The following COL15A1 variants were observed in gnomAD, a reference collection of about 807,000 sequenced individuals.
COL15A1 encodes collagen type XV alpha 1 chain, also known as collagen alpha-1(XV) chain.
A neutral mutation model predicts 165.9 loss-of-function variants in COL15A1; 111 were observed. The observed-to-expected ratio is 0.67, with a 90% CI of 0.57 to 0.78. COL15A1 has a LOEUF of 0.78. COL15A1 is among the 30% of genes least tolerant of loss of function. The probability of loss-of-function intolerance (pLI) is 0.00; values close to 1 mark genes in which losing one functional copy is unlikely to be tolerated. For synonymous variants in COL15A1, 659 were observed against 674.8 expected, an observed-to-expected ratio of 0.98 and a Z score of 0.36; for missense variants, 1,745 against 1,789.7, an observed-to-expected ratio of 0.98 and a Z score of 0.45.
At chr9:98,986,186 T>A in intron 3 of COL15A1, 74 bp downstream of exon 3, 1 of 1,089,160 alleles carries the variant, frequency 9.2e-7, no homozygotes, top group Non-Finnish European at 1.3e-6. Context: ...ATGGAGCAAC[T>A]ATTATTGTTA....
At chr9:99,056,438 G>A (rs1564090566) in intron 35 of COL15A1, 34 bp downstream of exon 35, 1 of 1,569,228 alleles carries the variant, frequency 6.4e-7, no homozygotes, top group Non-Finnish European at 8.6e-7. Flanking sequence ...TGTTCATGCT[G>A]TCCCTACCAT....
chr9:99,024,277 G>GTTTTTTT (rs773196929), intron 14 of COL15A1, among the ~76,000 whole-genome samples: 9 of 108,642 alleles, frequency 8.3e-5, no homozygotes, highest in Admixed American at 2.0e-4. Context: ...AGTTTTTTTT[G>GTTTTTTT]TTTTTTTGTT....
intron 2 of COL15A1, among the ~76,000 whole-genome samples, chr9:98,971,371 G>T (rs889321861): frequency 2.0e-5 from 3 of 152,084 alleles, no homozygotes; most frequent in African/African-American, 4.8e-5. Flanking sequence ...CCGGGTGGGG[G>T]TGATGACTCA....
At chr9:98,949,403 G>T (rs535443593) in intron 2 of COL15A1, among the ~76,000 whole-genome samples, 1 of 152,172 alleles carries the variant, frequency 6.6e-6, no homozygotes, top group Non-Finnish European at 1.5e-5. Context: ...CTATACCTAC[G>T]AGTGGAGTGC....
At chr9:98,967,529 A>G (rs1313754689) in intron 2 of COL15A1, among the ~76,000 whole-genome samples, 1 of 152,176 alleles carries the variant, frequency 6.6e-6, no homozygotes, top group Non-Finnish European at 1.5e-5. Flanking sequence ...AGGCCCTAGG[A>G]CATTCCTGTT....
chr9:98,992,863 G>T (rs891466884), intron 5 of COL15A1, among the ~76,000 whole-genome samples: 1 of 152,194 alleles, frequency 6.6e-6, no homozygotes, highest in Non-Finnish European at 1.5e-5. Context: ...AGGCACTGGG[G>T]CAGATGTGGG....
intron 2 of COL15A1, among the ~76,000 whole-genome samples, chr9:98,984,129 C>T (rs1838271878): frequency 6.6e-6 from 1 of 152,238 alleles, no homozygotes; most frequent in African/African-American, 2.4e-5. Context: ...CTCACTCATT[C>T]CAGGCCTCCT....
intron 16 of COL15A1, among the ~76,000 whole-genome samples, chr9:99,027,428 A>G (rs1488588174): frequency 2.0e-5 from 3 of 152,226 alleles, no homozygotes; most frequent in Non-Finnish European, 2.9e-5. Context: ...AAAAAGATAC[A>G]ATTGTCAAGC....
At chr9:99,002,417 C>T (rs916530454) in intron 7 of COL15A1, among the ~76,000 whole-genome samples, 1 of 152,126 alleles carries the variant, frequency 6.6e-6, no homozygotes, top group Non-Finnish European at 1.5e-5. Context: ...GGAGAAGAAC[C>T]GCAGTACACT....
chr9:98,964,957 T>C (rs1837932086), intron 2 of COL15A1, among the ~76,000 whole-genome samples: 1 of 152,204 alleles, frequency 6.6e-6, no homozygotes, highest in Non-Finnish European at 1.5e-5. Context: ...CTGCCCTGGC[T>C]GAATTCACAC....
intron 28 of COL15A1, 122 bp downstream of exon 28, chr9:99,048,122 C>A: frequency 1.4e-6 from 1 of 726,504 alleles, no homozygotes; most frequent in Admixed American, 2.0e-5. Flanking sequence ...CCTTCACTGC[C>A]ACTGCCAAAG....
intron 11 of COL15A1, among the ~76,000 whole-genome samples, chr9:99,019,933 G>A (rs537891463): frequency 1.3e-5 from 2 of 152,284 alleles, no homozygotes; most frequent in African/African-American, 2.4e-5. Flanking sequence ...TTTCTGCACT[G>A]TTTACAACCA....
chr9:99,059,134 A>G (rs942057044), intron 35 of COL15A1, among the ~76,000 whole-genome samples: 1 of 152,164 alleles, frequency 6.6e-6, no homozygotes, highest in African/African-American at 2.4e-5. Context: ...CATCCCAGTA[A>G]TATTTTTTTA....
At position 99,035,409 on chromosome 9, in the gene COL15A1, G is replaced by A. The variant is rs758490874; in HGVS notation, c.2280G>A (p.Thr760=). 6.8e-6 allele frequency: 11 copies of A among 1,613,986 alleles called. No homozygotes were observed. The highest frequency in any genetic ancestry group is 2.2e-5 in the South Asian group (2 of 91,086). ...ATGAACCCAAACTCTCCAGACCAAC[G>A]GCTGCAATTGTAGGTCGCCTCTGAA... is the stretch of plus-strand genomic sequence containing the variant. The part of the protein sequence containing the change: ...LLNEPKLSRP[T]AAIGLKGEKG... The change falls in exon 19 of 42, where the codon ACG becomes ACA. Residue 760 remains threonine (T), a synonymous_variant. Coordinates refer to ENST00000375001, the MANE Select transcript of COL15A1 (RefSeq NM_001855.5).
intron 2 of COL15A1, among the ~76,000 whole-genome samples, chr9:98,951,432 C>T (rs551788109): frequency 6.6e-6 from 1 of 152,116 alleles, no homozygotes; most frequent in Non-Finnish European, 1.5e-5. Context: ...TGCTCCTGGC[C>T]CCAGAGGACC....
chr9:99,054,666 C>G lies in COL15A1; in HGVS notation c.3031+10C>G. On this transcript the variant is annotated intron_variant, in intron 32 of 41. Transcript: ENST00000375001. Reference sequence around the variant, plus strand: ...GCCCAGGGACCACCAGGTATTCCAGCTCTTGTTCTCAATCTTGCCTTTGAT... The same window carrying G: ...GCCCAGGGACCACCAGGTATTCCAGGTCTTGTTCTCAATCTTGCCTTTGAT... 1 of 1,600,470 alleles carries G rather than the reference C, an allele frequency of 6.2e-7. No homozygotes were observed. The highest frequency in any genetic ancestry group is 8.5e-7 in the Non-Finnish European group (1 of 1,176,110).
At chr9:99,051,435 C>T (rs1839585818) in intron 30 of COL15A1, among the ~76,000 whole-genome samples, 1 of 152,172 alleles carries the variant, frequency 6.6e-6, no homozygotes, top group South Asian at 2.1e-4. Flanking sequence ...TTGTCCAACT[C>T]TCAAAATGGA....
chr9:98,995,748 G>T (rs1838531561), intron 5 of COL15A1, among the ~76,000 whole-genome samples: 1 of 152,188 alleles, frequency 6.6e-6, no homozygotes, highest in South Asian at 2.1e-4. Flanking sequence ...AGGACTCAAG[G>T]TGATTTCTCT....
At chr9:98,980,506 G>A (rs1244552644) in intron 2 of COL15A1, among the ~76,000 whole-genome samples, 2 of 152,212 alleles carry the variant, frequency 1.3e-5, no homozygotes, top group Non-Finnish European at 2.9e-5. Flanking sequence ...GGGAGTCCCT[G>A]GGACAGCATG....
Sources: allele counts gnomAD v4.1 joint callset (sites outside exome capture counted in the v4.1 genomes callset), GRCh38; gene constraint gnomAD v4.1.1; transcripts MANE v1.5; gene names NCBI Gene and HGNC (gene_info 2026-07-23, HGNC 2026-07-21).